The following LRRIQ3 variants were observed in gnomAD, a reference collection of about 807,000 sequenced individuals.
LRRIQ3 encodes leucine rich repeats and IQ motif containing 3, also known as leucine-rich repeat and IQ domain-containing protein 3.
Under a neutral mutation model 59.3 loss-of-function variants are expected in LRRIQ3, and 75 were observed. The observed-to-expected ratio is 1.26, with a 90% CI of 1.05 to 1.53. The LOEUF is 1.53. Among genes scored for constraint, LRRIQ3 ranks in the 40% most tolerant of loss-of-function variants. LRRIQ3 has a pLI of 0.00. For missense variants in LRRIQ3, 831 were observed against 710.0 expected (o/e 1.17, Z -1.94); for synonymous variants, 250 against 231.3 (o/e 1.08, Z -0.73).
chr1:74,029,898 G>A (rs527813946), intron 7 of LRRIQ3, among the ~76,000 whole-genome samples: 1 of 152,112 alleles, frequency 6.6e-6, no homozygotes, highest in Admixed American at 6.6e-5. Flanking sequence ...TCTATTAAGA[G>A]ATTCAACTTC....
At chr1:74,180,781 T>A (rs1649929355) in intron 3 of LRRIQ3, 1 of 1,549,926 alleles carries the variant, frequency 6.5e-7, no homozygotes, top group African/African-American at 1.4e-5. Flanking sequence ...TCCTGTAAAA[T>A]AAGACTAACA....
At chr1:74,145,330 A>T (rs911486346) in intron 4 of LRRIQ3, among the ~76,000 whole-genome samples, 2 of 152,150 alleles carry the variant, frequency 1.3e-5, no homozygotes, top group Non-Finnish European at 2.9e-5. Flanking sequence ...ACAGTAAACT[A>T]GGAATGCTCT....
intron 6 of LRRIQ3, among the ~76,000 whole-genome samples, chr1:74,042,952 CCTGA>C (rs1654091847): frequency 6.6e-6 from 1 of 152,048 alleles, no homozygotes; most frequent in South Asian, 2.1e-4. Context: ...TGCCTGCCTG[CCTGA>C]ATCACTTGTT....
chr1:74,110,745 A>G (rs1646683480), intron 4 of LRRIQ3, among the ~76,000 whole-genome samples: 1 of 152,090 alleles, frequency 6.6e-6, no homozygotes. Flanking sequence ...CCTTCATTCA[A>G]AATATTTGTA....
intron 7 of LRRIQ3, among the ~76,000 whole-genome samples, chr1:74,037,408 G>A (rs1275786406): frequency 6.6e-6 from 1 of 151,956 alleles, no homozygotes; most frequent in Non-Finnish European, 1.5e-5. Context: ...GAGGCTGAGG[G>A]GGACGGATCA....
intron 7 of LRRIQ3, among the ~76,000 whole-genome samples, chr1:74,036,485 T>C (rs1653877413): frequency 6.6e-6 from 1 of 152,208 alleles, no homozygotes; most frequent in African/African-American, 2.4e-5. Context: ...AGAAAGCTTC[T>C]AGGTCACATA....
At chr1:74,110,910 A>G (rs1218664302) in intron 4 of LRRIQ3, among the ~76,000 whole-genome samples, 1 of 152,076 alleles carries the variant, frequency 6.6e-6, no homozygotes, top group African/African-American at 2.4e-5. Flanking sequence ...ACCATATCCA[A>G]AATCACTGCC....
intron 6 of LRRIQ3, among the ~76,000 whole-genome samples, chr1:74,073,509 A>AAAAC (rs150618239): frequency 0.34 from 51,332 of 149,356 alleles, 9,268 homozygotes; most frequent in Middle Eastern, 0.41. Context: ...AGACTGTCTT[A>AAAAC]AAACAAACAA....
In LRRIQ3 at chr1:74,109,526, C is replaced by CT; in HGVS notation, c.734dup (p.Gln246AlafsTer6). On this transcript the variant is annotated frameshift_variant, in exon 5 of 8. Transcript: ENST00000354431. LOFTEE classifies it high-confidence loss of function. Reference sequence around the variant, plus strand: ...CATATCCTCTAATAATTTTTTCCTGCTGTTTTTTTTTGTGGAAAAACACAG... The same window carrying CT: ...CATATCCTCTAATAATTTTTTCCTGCTTGTTTTTTTTTGTGGAAAAACACAG... 6.4e-7 allele frequency: 1 copy of CT among 1,561,348 alleles called. No homozygotes were observed. The highest frequency in any genetic ancestry group is 1.4e-5 in the African/African-American group (1 of 71,846).
At chr1:74,128,556 C>T (rs1646968006) in intron 4 of LRRIQ3, among the ~76,000 whole-genome samples, 2 of 152,080 alleles carry the variant, frequency 1.3e-5, no homozygotes, top group South Asian at 4.1e-4. Context: ...AATCATCTGT[C>T]TGAAAGTTCA....
At chr1:74,131,079 C>A (rs887396696) in intron 4 of LRRIQ3, among the ~76,000 whole-genome samples, 2 of 152,072 alleles carry the variant, frequency 1.3e-5, no homozygotes, top group African/African-American at 4.8e-5. Flanking sequence ...AAACTACCAT[C>A]AAAGAATACT....
chr1:74,188,061 A>G (rs1280113379), intron 1 of LRRIQ3, among the ~76,000 whole-genome samples: 1 of 152,206 alleles, frequency 6.6e-6, no homozygotes, highest in Non-Finnish European at 1.5e-5. Flanking sequence ...AATGTGGTAC[A>G]TTTACACCAT....
Position 74,041,610 on chromosome 1 carries a change from T to A in LRRIQ3, c.1321A>T (p.Arg441Ter), listed in dbSNP as rs753533480. 5.6e-6 allele frequency: 9 copies of A among 1,613,746 alleles called. No homozygotes were observed. The highest frequency in any genetic ancestry group is 6.8e-6 in the Non-Finnish European group (8 of 1,179,888). ...KKQEYHKEKV[R>*]VVAMAQVARE... is the part of the protein sequence containing the mutation. ...GCAACTTGTGCCATGGCTACAACTCTTACTTTTTCTTTATGGTATTCCTGC... is the reference window on the plus strand; with the variant it reads ...GCAACTTGTGCCATGGCTACAACTCATACTTTTTCTTTATGGTATTCCTGC... The change falls in exon 7 of 8, where the codon AGA becomes TGA. Residue 441 changes from arginine (R) to a stop codon, truncating the protein, a stop_gained. Coordinates refer to ENST00000354431, the MANE Select transcript of LRRIQ3 (RefSeq NM_001105659.2). LOFTEE classifies it high-confidence loss of function.
At chr1:74,166,732 AT>A (rs1649014383) in intron 3 of LRRIQ3, among the ~76,000 whole-genome samples, 1 of 151,752 alleles carries the variant, frequency 6.6e-6, no homozygotes, top group Admixed American at 6.6e-5. Context: ...TTGTATTTGT[AT>A]TTTTATTCAG....
chr1:74,185,509 T>C (rs1057149403), intron 1 of LRRIQ3, among the ~76,000 whole-genome samples: 6 of 152,234 alleles, frequency 3.9e-5, no homozygotes, highest in African/African-American at 1.4e-4. Flanking sequence ...TGTGTTATTG[T>C]TGAGTTTGAG....
At position 74,041,846 on chromosome 1, in the gene LRRIQ3, C is replaced by A. The variant is rs376112860; in HGVS notation, c.1085G>T (p.Gly362Val). The A allele has an allele frequency of 3.1e-6, 5 of 1,613,140 alleles. No homozygotes were observed. The highest frequency in any genetic ancestry group is 1.7e-5 in the Admixed American group (1 of 59,922). Residue 362 changes from glycine (G) to valine (V), a missense_variant, in exon 7 of 8, where the codon GGT becomes GTT. Gly to Val is a moderately radical substitution (Grantham distance 109, BLOSUM62 -3). Transcript: ENST00000354431. ...CAATACTGCATTATTCTTCAATGAA[C>A]CTGAAGTGTATATGGGTAGTTTGAA... ...SVFKLPIYTSGSLKNNAVLRE... is the reference protein window; with the variant it reads ...SVFKLPIYTSVSLKNNAVLRE...
At chr1:74,088,819 A>T (rs1444645456) in intron 5 of LRRIQ3, among the ~76,000 whole-genome samples, 1 of 151,994 alleles carries the variant, frequency 6.6e-6, no homozygotes, top group Non-Finnish European at 1.5e-5. Context: ...TATAAATGTA[A>T]GTTTACCAAA....
intron 5 of LRRIQ3, among the ~76,000 whole-genome samples, chr1:74,105,091 C>T (rs548377219): frequency 4.2e-4 from 64 of 151,970 alleles, no homozygotes; most frequent in Non-Finnish European, 6.2e-4. Flanking sequence ...ACAATAAAAA[C>T]GTTTTTATTT....
At chr1:74,153,990 C>T (rs112361344) in intron 4 of LRRIQ3, among the ~76,000 whole-genome samples, 9 of 151,834 alleles carry the variant, frequency 5.9e-5, no homozygotes, top group African/African-American at 2.2e-4. Flanking sequence ...GCTTGTAATC[C>T]CAGCACTTTG....
Sources: allele counts gnomAD v4.1 joint callset (sites outside exome capture counted in the v4.1 genomes callset), GRCh38; gene constraint gnomAD v4.1.1; transcripts MANE v1.5; gene names NCBI Gene and HGNC (gene_info 2026-07-23, HGNC 2026-07-21).